Variants in PTPRD observed in about 807,000 individuals in gnomAD.
The protein encoded by PTPRD is protein tyrosine phosphatase receptor type D, also known as receptor-type tyrosine-protein phosphatase delta.
In PTPRD, 34 loss-of-function variants were observed where a neutral mutation model predicts 214.5. The ratio of observed to expected loss-of-function variants is 0.16; its 90% CI spans 0.12 to 0.21. The LOEUF is 0.21. Ranked by LOEUF, PTPRD falls within the 10% of genes least tolerant of loss-of-function variation. The pLI, the probability that PTPRD is intolerant of heterozygous loss-of-function variation, is 1.00. For missense variants in PTPRD, 2,545 were observed against 2,398.7 expected (o/e 1.06, Z -1.27); for synonymous variants, 1,128 against 845.7 (o/e 1.33, Z -5.79).
At chr9:8,443,084 A>T (rs1225010225) in intron 34 of PTPRD, among the ~76,000 whole-genome samples, 1 of 152,194 alleles carries the variant, frequency 6.6e-6, no homozygotes, top group Non-Finnish European at 1.5e-5. Flanking sequence ...TGTTGAGGCT[A>T]CAGTAAGCTA....
intron 9 of PTPRD, among the ~76,000 whole-genome samples, chr9:9,351,444 T>C (rs2051092566): frequency 6.6e-6 from 1 of 152,016 alleles, no homozygotes; most frequent in Admixed American, 6.6e-5. Flanking sequence ...CAAATAATTC[T>C]ATGCATTAGA....
At chr9:9,774,867 C>T (rs2098784102) in intron 5 of PTPRD, among the ~76,000 whole-genome samples, 1 of 152,156 alleles carries the variant, frequency 6.6e-6, no homozygotes, top group African/African-American at 2.4e-5. Flanking sequence ...CTGTTTTATG[C>T]ATGATAGTAC....
At position 10,374,875 on chromosome 9, in the gene PTPRD, A is replaced by C. The variant is rs146056261; in HGVS notation, c.-599-33858T>G. ...GACCTCTCACTAAACAGTCATTAAA[A>C]ATTTCAAATTTGAAAATTCACCCTA... On this transcript the variant is annotated intron_variant, in intron 2 of 45. Coordinates refer to ENST00000381196, the MANE Select transcript of PTPRD (RefSeq NM_002839.4). 8.1e-3 allele frequency among the ~76,000 whole-genome samples: 1,234 copies of C among 152,222 alleles called. 6 individuals are homozygous for C. Among genetic ancestry groups the C allele is most frequent in the Non-Finnish European group, 0.012 (825 of 67,992 alleles).
chr9:8,341,062 G>C (rs1851989485), intron 41 of PTPRD, 28 bp downstream of exon 41: 1 of 1,546,424 alleles, frequency 6.5e-7, no homozygotes, highest in African/African-American at 1.4e-5. Context: ...TCAAGGCTTT[G>C]GATAGTCAGG....
intron 10 of PTPRD, among the ~76,000 whole-genome samples, chr9:9,068,384 A>G (rs372648311): frequency 1.1e-4 from 17 of 152,322 alleles, no homozygotes; most frequent in African/African-American, 3.8e-4. Flanking sequence ...TACTGGTTGC[A>G]TAGTAATTGC....
intron 7 of PTPRD, among the ~76,000 whole-genome samples, chr9:9,592,569 T>A (rs1036311513): frequency 4.6e-5 from 7 of 152,028 alleles, no homozygotes; most frequent in African/African-American, 1.7e-4. Flanking sequence ...CAAATCAATC[T>A]GAAATTTCTC....
intron 11 of PTPRD, among the ~76,000 whole-genome samples, chr9:8,769,823 A>T (rs1267561021): frequency 6.6e-6 from 1 of 152,052 alleles, no homozygotes; most frequent in African/African-American, 2.4e-5. Flanking sequence ...AAAAAAATAC[A>T]TAGAAATCTG....
intron 6 of PTPRD, among the ~76,000 whole-genome samples, chr9:9,744,594 C>T (rs1323413320): frequency 4.6e-5 from 7 of 151,866 alleles, no homozygotes; most frequent in African/African-American, 1.7e-4. Context: ...TGAACACTAC[C>T]TAAATTCTGC....
intron 3 of PTPRD, among the ~76,000 whole-genome samples, chr9:10,148,478 G>A (rs895848695): frequency 7.2e-5 from 11 of 152,066 alleles, no homozygotes; most frequent in Non-Finnish European, 1.5e-4. Context: ...GCAGCTCTCT[G>A]ATTTTAAAAA....
intron 7 of PTPRD, among the ~76,000 whole-genome samples, chr9:9,647,634 T>C (rs1156976549): frequency 6.6e-6 from 1 of 152,218 alleles, no homozygotes; most frequent in South Asian, 2.1e-4. Context: ...GGGAAGCCTG[T>C]TTTCCCTTTG....
chr9:9,735,220 T>C lies in PTPRD; in HGVS notation c.-325-649A>G, dbSNP rs144080687. Among the ~76,000 whole-genome samples the C allele has an allele frequency of 1.2e-3, 187 of 152,224 alleles. 1 individual carries two copies. The highest frequency in any genetic ancestry group is 4.1e-3 in the African/African-American group (172 of 41,582). On this transcript the variant is annotated intron_variant, in intron 6 of 45. Coordinates refer to ENST00000381196, the MANE Select transcript of PTPRD (RefSeq NM_002839.4). ...CCATGGGATGCAAAGGTTTTATAAATGTTGTCTTGTGTAAAGAAAATGGCA... is the reference window on the plus strand; with the variant it reads ...CCATGGGATGCAAAGGTTTTATAAACGTTGTCTTGTGTAAAGAAAATGGCA...
Position 8,846,818 on chromosome 9 carries a change from G to A in PTPRD, c.-103-112872C>T, listed in dbSNP as rs149054664. ...GAGGAAAGGACATCAAAGGCCAGGTGCCTTTTGGTAAGGAATATTTCATGC... is the reference window on the plus strand; with the variant it reads ...GAGGAAAGGACATCAAAGGCCAGGTACCTTTTGGTAAGGAATATTTCATGC... On this transcript the variant is annotated intron_variant, in intron 11 of 45. Transcript: ENST00000381196. Among the ~76,000 whole-genome samples, 19 of 152,270 alleles carry A rather than the reference G, an allele frequency of 1.2e-4. No individual in the cohort carries two copies. In the East Asian group the frequency reaches 3.1e-3, roughly 25 times the overall value.
At chr9:8,461,834 G>C (rs2096415287) in intron 32 of PTPRD, among the ~76,000 whole-genome samples, 1 of 151,706 alleles carries the variant, frequency 6.6e-6, no homozygotes, top group South Asian at 2.1e-4. Context: ...TTTTTTTATA[G>C]AGATGGGGTC....
At position 9,763,632 on chromosome 9, in the gene PTPRD, C is replaced by G. The variant is rs187617222; in HGVS notation, c.-326+3178G>C. ...TCTTAGCTCTGTAAAAATAACCTAA[C>G]TATAATCTACATCTACCTTCAAGAA... On this transcript the variant is annotated intron_variant, in intron 6 of 45. Transcript: ENST00000381196. Among the ~76,000 whole-genome samples the G allele has an allele frequency of 5.5e-4, 83 of 152,168 alleles. 1 individual carries two copies. Among genetic ancestry groups the G allele is most frequent in the African/African-American group, 1.9e-3 (80 of 41,528 alleles).
chr9:8,954,703 A>G (rs2154309515), intron 11 of PTPRD, among the ~76,000 whole-genome samples: 1 of 151,956 alleles, frequency 6.6e-6, no homozygotes, highest in East Asian at 1.9e-4. Context: ...CCCTGGGTCC[A>G]GTTTTGATTT....
At position 8,332,711 on chromosome 9, in the gene PTPRD, G is replaced by A. The variant is rs1842682768; in HGVS notation, c.5380-975C>T. ...TTCTAGAAGTACAAGAAAAGTGGAAGGGAGCCTCTGTTTATAGAAGCAGAA... is the reference window on the plus strand; with the variant it reads ...TTCTAGAAGTACAAGAAAAGTGGAAAGGAGCCTCTGTTTATAGAAGCAGAA... On this transcript the variant is annotated intron_variant, in intron 43 of 45. Coordinates refer to ENST00000381196, the MANE Select transcript of PTPRD (RefSeq NM_002839.4). 2.0e-5 allele frequency among the ~76,000 whole-genome samples: 3 copies of A among 152,260 alleles called. No individual in the cohort carries two copies. In the South Asian group the frequency reaches 6.2e-4, roughly 32 times the overall value.
At chr9:10,521,557 C>T (rs950296520) in intron 2 of PTPRD, among the ~76,000 whole-genome samples, 3 of 152,078 alleles carry the variant, frequency 2.0e-5, no homozygotes, top group African/African-American at 7.2e-5. Flanking sequence ...GTCAAAGTGC[C>T]ATCAGAGAGC....
intron 2 of PTPRD, among the ~76,000 whole-genome samples, chr9:10,450,956 G>A (rs548115987): frequency 1.3e-5 from 2 of 152,028 alleles, no homozygotes; most frequent in South Asian, 4.1e-4. Flanking sequence ...ACTCTGAGAA[G>A]TCAAAACCCA....
At chr9:10,463,750 CAAAAAAGAGGTGTGATCCAAGA>C (rs529313063) in intron 2 of PTPRD, among the ~76,000 whole-genome samples, 10 of 151,444 alleles carry the variant, frequency 6.6e-5, no homozygotes, top group East Asian at 1.9e-4. Context: ...CAGAGTCTTA[CAAAAAAGAGGTGTGATCCAAGA>C]AAAAAAGAGG....
Sources: allele counts gnomAD v4.1 joint callset (sites outside exome capture counted in the v4.1 genomes callset), GRCh38; gene constraint gnomAD v4.1.1; transcripts MANE v1.5; gene names NCBI Gene and HGNC (gene_info 2026-07-23, HGNC 2026-07-21).